The following NR3C1 variants were observed in gnomAD, a reference collection of about 807,000 sequenced individuals.
The protein encoded by NR3C1 is nuclear receptor subfamily 3 group C member 1, also known as glucocorticoid receptor.
Under a neutral mutation model 74.0 loss-of-function variants are expected in NR3C1, and 14 were observed. The ratio of observed to expected loss-of-function variants is 0.19; its 90% confidence interval spans 0.12 to 0.30. The LOEUF (loss-of-function observed/expected upper bound fraction) is 0.30, where lower values mean the gene tolerates loss of function less well. NR3C1 is among the 10% of genes least tolerant of loss of function. The pLI is 1.00. For synonymous variants in NR3C1, 308 were observed against 332.5 expected (o/e 0.93, Z 0.80); for missense variants, 695 against 909.8 (o/e 0.76, Z 3.04).
chr5:143,282,044 G>A lies in NR3C1; in HGVS notation c.2182-3C>T. ...TAGTTAAGGAGATTTTCAACCACCT[G>A]CAAGAGAAGATATGGTAATGATCAG... is the stretch of plus-strand genomic sequence containing the variant. On this transcript the variant is annotated splice_polypyrimidine_tract_variant and splice_region_variant and intron_variant, in intron 8 of 8. Coordinates refer to ENST00000394464, the MANE Select transcript of NR3C1 (RefSeq NM_000176.3). The A allele has an allele frequency of 5.6e-6, 9 of 1,613,414 alleles. No individual in the cohort carries two copies. The highest frequency in any genetic ancestry group is 7.6e-6 in the Non-Finnish European group (9 of 1,179,642).
At position 143,389,075 on chromosome 5, in the gene NR3C1, T is replaced by C. The variant is rs142124473; in HGVS notation, c.1184+10581A>G. Among the ~76,000 whole-genome samples, 662 of 152,336 alleles carry C rather than the reference T, an allele frequency of 4.3e-3. 3 individuals carry two copies. Among genetic ancestry groups the C allele is most frequent in the Non-Finnish European group, 7.3e-3 (496 of 68,012 alleles). Reference sequence around the variant, plus strand: ...TCAAATCTTGTTTCCCATTCATTCATGCACTTTCCTCCATGAAGTTTCAGT... The same window carrying C: ...TCAAATCTTGTTTCCCATTCATTCACGCACTTTCCTCCATGAAGTTTCAGT... On this transcript the variant is annotated intron_variant, in intron 2 of 8. Coordinates refer to ENST00000394464, the MANE Select transcript of NR3C1 (RefSeq NM_000176.3).
chr5:143,420,271 TTAAAG>T (rs1250474610), intron 1 of NR3C1, among the ~76,000 whole-genome samples: 2 of 152,104 alleles, frequency 1.3e-5, no homozygotes, highest in African/African-American at 2.4e-5. Context: ...GATTAAGAGA[TTAAAG>T]TAAAGACAGG....
At chr5:143,333,368 G>T in intron 2 of NR3C1, 2 of 636,380 alleles carry the variant, frequency 3.1e-6, no homozygotes, top group South Asian at 3.7e-5. Flanking sequence ...GGAAAGAGGA[G>T]GCTGGTACAA....
At chr5:143,418,098 A>G (rs1427781737) in intron 1 of NR3C1, among the ~76,000 whole-genome samples, 2 of 152,254 alleles carry the variant, frequency 1.3e-5, no homozygotes, top group Non-Finnish European at 2.9e-5. Context: ...CCAAGAAACC[A>G]GACTGAATGT....
At chr5:143,324,110 G>A (rs1297936182) in intron 2 of NR3C1, among the ~76,000 whole-genome samples, 2 of 152,184 alleles carry the variant, frequency 1.3e-5, no homozygotes, top group East Asian at 3.9e-4. Flanking sequence ...CTGGGGTCTG[G>A]AGGATGACGG....
chr5:143,396,544 T>C (rs1839217858), intron 2 of NR3C1, among the ~76,000 whole-genome samples: 2 of 151,820 alleles, frequency 1.3e-5, no homozygotes, highest in African/African-American at 4.8e-5. Flanking sequence ...ACATTCAACA[T>C]GATGTTAGCA....
At chr5:143,381,844 G>A (rs1038979984) in intron 2 of NR3C1, among the ~76,000 whole-genome samples, 1 of 152,146 alleles carries the variant, frequency 6.6e-6, no homozygotes, top group Non-Finnish European at 1.5e-5. Context: ...CATTTGGGAA[G>A]CTCTCCAGGA....
intron 2 of NR3C1, among the ~76,000 whole-genome samples, chr5:143,388,724 G>A (rs1837713932): frequency 6.6e-6 from 1 of 152,154 alleles, no homozygotes; most frequent in Non-Finnish European, 1.5e-5. Flanking sequence ...CCTCAGATTT[G>A]GGCTTATACA....
rs146476469 is a variant in NR3C1, at chr5:143,323,225, G to T, written c.1185-9057C>A. Among the ~76,000 whole-genome samples the T allele has an allele frequency of 4.4e-4, 67 of 152,252 alleles. 1 individual carries two copies. The highest frequency in any genetic ancestry group is 8.1e-4 in the Non-Finnish European group (55 of 68,022). On this transcript the variant is annotated intron_variant, in intron 2 of 8. Transcript: ENST00000394464. ...CTGTATTAGTTGTTTTCACACTGCTGATAAAGATATACCTAAAACTGGGAA... is the reference window on the plus strand; with the variant it reads ...CTGTATTAGTTGTTTTCACACTGCTTATAAAGATATACCTAAAACTGGGAA...
intron 2 of NR3C1, among the ~76,000 whole-genome samples, chr5:143,386,343 T>C (rs745905868): frequency 1.4e-4 from 21 of 152,122 alleles, no homozygotes; most frequent in Non-Finnish European, 2.6e-4. Flanking sequence ...AAAGGGTACA[T>C]AGAAAAGGGT....
chr5:143,410,349 T>C (rs1236517397), intron 1 of NR3C1, among the ~76,000 whole-genome samples: 1 of 152,172 alleles, frequency 6.6e-6, no homozygotes, highest in Non-Finnish European at 1.5e-5. Flanking sequence ...TTAAGCTAAC[T>C]TAGAAATAGT....
Position 143,300,373 on chromosome 5 carries a change from A to G in NR3C1, c.1747+112T>C. On this transcript the variant is annotated intron_variant, in intron 5 of 8. Transcript: ENST00000394464. The surrounding 1 kb of genome is among the most constrained non-coding windows in gnomAD (Gnocchi z 5.2). Reference sequence around the variant, plus strand: ...GACTCTCCCCTTCATAGTCCCCAGAACTAAGAGAAACAAGATAAGCCATGG... The same window carrying G: ...GACTCTCCCCTTCATAGTCCCCAGAGCTAAGAGAAACAAGATAAGCCATGG... 1 of 1,332,902 alleles carries G rather than the reference A, an allele frequency of 7.5e-7. No homozygotes were observed. Among genetic ancestry groups the G allele is most frequent in the South Asian group, 1.2e-5 (1 of 84,456 alleles). The allele number at this position is 1,332,902 out of a possible 1,614,324, so 82.6% of individuals were successfully genotyped here. A position where few individuals can be genotyped will look rare whatever the true frequency, so the allele number is the denominator to read the frequency against.
chr5:143,433,224 G>C (rs894415295), intron 1 of NR3C1, among the ~76,000 whole-genome samples: 5 of 151,802 alleles, frequency 3.3e-5, no homozygotes, highest in African/African-American at 1.2e-4. Context: ...TTACTAAGAA[G>C]CCCTAAGCCT....
intron 1 of NR3C1, among the ~76,000 whole-genome samples, chr5:143,420,652 G>C (rs1484594992): frequency 6.6e-6 from 1 of 152,166 alleles, no homozygotes; most frequent in Non-Finnish European, 1.5e-5. Context: ...TTGGCATCTA[G>C]TGGGTAGAAG....
intron 2 of NR3C1, among the ~76,000 whole-genome samples, chr5:143,353,470 A>T (rs1422551326): frequency 6.6e-6 from 1 of 152,130 alleles, no homozygotes; most frequent in African/African-American, 2.4e-5. Flanking sequence ...TAGCCTTACA[A>T]AATGTACTGA....
rs10482612 is a variant in NR3C1, at chr5:143,403,416, G to C, written c.-219C>G. 37 of 982,826 alleles carry C rather than the reference G, an allele frequency of 3.8e-5. 1 individual carries two copies. The highest frequency in any genetic ancestry group is 4.3e-5 in the Non-Finnish European group (36 of 829,376). 60.9% of individuals were successfully genotyped at this position (982,826 alleles called of 1,614,324 possible). A position where few individuals can be genotyped will look rare whatever the true frequency, so the allele number is the denominator to read the frequency against. ...CTCCCATTGCCCAGCTGACAAGCCAGCCCTCCGCCCCGCGCCGGGCTCCGC... is the reference window on the plus strand; with the variant it reads ...CTCCCATTGCCCAGCTGACAAGCCACCCCTCCGCCCCGCGCCGGGCTCCGC... On this transcript the variant is annotated 5_prime_UTR_variant, in exon 1 of 9. Coordinates refer to ENST00000394464, the MANE Select transcript of NR3C1 (RefSeq NM_000176.3).
At chr5:143,365,625 C>A (rs1269416236) in intron 2 of NR3C1, among the ~76,000 whole-genome samples, 2 of 152,168 alleles carry the variant, frequency 1.3e-5, no homozygotes, top group Non-Finnish European at 2.9e-5. Context: ...AGATAGAAAT[C>A]TGCAAGGAAA....
chr5:143,290,692 C>T (rs762594194), intron 7 of NR3C1, among the ~76,000 whole-genome samples: 65 of 151,918 alleles, frequency 4.3e-4, no homozygotes, highest in Non-Finnish European at 7.5e-4. Context: ...CTCAGCCTCC[C>T]GAGTAGCTAG....
chr5:143,356,481 A>G (rs1831163572), intron 2 of NR3C1, among the ~76,000 whole-genome samples: 1 of 152,146 alleles, frequency 6.6e-6, no homozygotes, highest in African/African-American at 2.4e-5. Flanking sequence ...AAGCCCAAAT[A>G]GCAGAGCAAA....
Sources: allele counts gnomAD v4.1 joint callset (sites outside exome capture counted in the v4.1 genomes callset), GRCh38; gene constraint gnomAD v4.1.1; non-coding constraint Gnocchi (gnomAD v3.1); transcripts MANE v1.5; gene names NCBI Gene and HGNC (gene_info 2026-07-23, HGNC 2026-07-21).